GOLGA6L10: variants seen among roughly 807,000 people sequenced by gnomAD.
The protein encoded by GOLGA6L10 is golgin subfamily A member 6-like protein 10.
In GOLGA6L10, 4 loss-of-function variants were observed where a neutral mutation model predicts 56.9. The observed-to-expected ratio is 0.07, with a 90% CI of 0.03 to 0.16. The LOEUF (loss-of-function observed/expected upper bound fraction) is 0.16. Among genes scored for constraint, GOLGA6L10 ranks in the 10% least tolerant of loss-of-function variants. The pLI is 1.00. For missense variants in GOLGA6L10, 34 were observed against 558.3 expected (o/e 0.06, Z 9.46); for synonymous variants, 11 against 220.9 (o/e 0.05, Z 8.43).
chr15:82,342,641 A>G lies in GOLGA6L10; in HGVS notation c.*135T>C, dbSNP rs1464281894. ...ATTTAAATTATAAATTAGAAACACA[A>G]ATAAATTTAAACTATAAATTAGAAA... On this transcript the variant is annotated 3_prime_UTR_variant, in exon 9 of 9. Transcript: ENST00000610657. 3 of 621,420 alleles carry G rather than the reference A, an allele frequency of 4.8e-6. No individual in the cohort carries two copies. Among genetic ancestry groups the G allele is most frequent in the Non-Finnish European group, 6.6e-6 (3 of 456,170 alleles). The allele number at this position is 621,420 out of a possible 1,614,324, so 38.5% of individuals were successfully genotyped here. A position where few individuals can be genotyped will look rare whatever the true frequency, so the allele number is the denominator to read the frequency against.
Position 82,340,985 on chromosome 15 carries a change from A to G in GOLGA6L10, c.*1791T>C, listed in dbSNP as rs2075639498. On this transcript the variant is annotated 3_prime_UTR_variant, in exon 9 of 9. Transcript: ENST00000610657. ...TACCTTTGAAATAATTTATCAATGT[A>G]TTAGATAAGCTCAGTTTCAGAATGA... 2 of 152,324 alleles carry G rather than the reference A, an allele frequency of 1.3e-5. No individual in the cohort carries two copies. The highest frequency in any genetic ancestry group is 4.1e-4 in the South Asian group (2 of 4,822). The allele number at this position is 152,324 out of a possible 1,614,324, so 9.4% of individuals were successfully genotyped here.
intron 4 of GOLGA6L10, 96 bp from the exon 5 acceptor site, chr15:82,345,992 T>C (rs2075684252): frequency 1.4e-6 from 1 of 700,482 alleles, no homozygotes; most frequent in Admixed American, 2.4e-5. Context: ...TTCTGCCAGT[T>C]TGTGATTTAG....
At chr15:82,347,847 T>G in intron 1 of GOLGA6L10, among the ~76,000 whole-genome samples, 1 of 151,730 alleles carries the variant, frequency 6.6e-6, no homozygotes, top group Non-Finnish European at 1.5e-5. Context: ...GAACTTAAAC[T>G]CAGTCCTCTG....
chr15:82,344,092 C>G (rs1272430467), intron 7 of GOLGA6L10, among the ~76,000 whole-genome samples, 169 bp downstream of exon 7: 1 of 150,062 alleles, frequency 6.7e-6, no homozygotes, highest in South Asian at 2.1e-4. Flanking sequence ...CTCTAAAAGT[C>G]AGAGGGCAGG....
chr15:82,348,752 GACC>G (rs1173748610), intron 1 of GOLGA6L10, among the ~76,000 whole-genome samples: 2 of 118,092 alleles, frequency 1.7e-5, no homozygotes, highest in Admixed American at 8.2e-5. Context: ...CAGGGGAGGG[GACC>G]ACATCAGCGC....
rs2075700171 is a variant in GOLGA6L10 at position 82,348,292 on chromosome 15, A to G, written c.85-663T>C. 4.0e-5 allele frequency among the ~76,000 whole-genome samples: 6 copies of G among 148,970 alleles called. No individual in the cohort carries two copies. The South Asian group carries it at 1.3e-3, about 32-fold the overall frequency. On this transcript the variant is annotated intron_variant, in intron 1 of 8. Transcript: ENST00000610657. ...GATATGAGGAAGATTCAAGCTGTCA[A>G]GTTCAGTTTCCCAAGATCTATTCCA...
rs1162168703 is a variant in GOLGA6L10, at chr15:82,344,607, C to G, written c.1253G>C (p.Arg418Pro). The change falls in exon 6 of 9, where the codon CGC (arginine) becomes CCC (proline). Residue 418 changes from arginine (R) to proline (P), a missense_variant. Arg to Pro is a moderately radical substitution (Grantham distance 103). Coordinates refer to ENST00000610657, the MANE Select transcript of GOLGA6L10 (RefSeq NM_001164465.3). The part of the protein sequence containing the change: ...EALYEQRAEP[R>P]SGFEELNNEN... ...ACGTACCAGCTCCTCGAAGCCGCTG[C>G]GTGGCTCGGCCCGCTGCTCGTACAG... 1 of 1,540,634 alleles carries G rather than the reference C, an allele frequency of 6.5e-7. No individual in the cohort carries two copies. The highest frequency in any genetic ancestry group is 1.8e-5 in the Admixed American group (1 of 56,098).
At chr15:82,347,091 A>C (rs2075691378) in intron 2 of GOLGA6L10, among the ~76,000 whole-genome samples, 1 of 150,468 alleles carries the variant, frequency 6.6e-6, no homozygotes, top group Admixed American at 6.6e-5. Context: ...AGTGACTCCT[A>C]AAGGGACAGC....
In GOLGA6L10 at chr15:82,342,652, A is replaced by G. The variant is rs1184608312; in HGVS notation, c.*124T>C. 4 of 1,477,728 alleles carry G rather than the reference A, an allele frequency of 2.7e-6. No individual in the cohort carries two copies. The highest frequency in any genetic ancestry group is 3.6e-6 in the Non-Finnish European group (4 of 1,114,504). The allele number at this position is 1,477,728 out of a possible 1,614,324, so 91.5% of individuals were successfully genotyped here. On this transcript the variant is annotated 3_prime_UTR_variant, in exon 9 of 9. Transcript: ENST00000610657. ...AAATTAGAAACACAAATAAATTTAA[A>G]CTATAAATTAGAAACACAAATAAAC... is the stretch of plus-strand genomic sequence containing the variant.
In GOLGA6L10 at chr15:82,345,216, A is replaced by C. The variant is rs4076899; in HGVS notation, c.644T>G (p.Leu215Arg). The C allele has an allele frequency of 0.11, 107,169 of 1,001,686 alleles. 245 individuals carry two copies. Among genetic ancestry groups the C allele is most frequent in the South Asian group, 0.21 (11,223 of 54,186 alleles). 62.0% of individuals were successfully genotyped at this position (1,001,686 alleles called of 1,614,324 possible). The change falls in exon 6 of 9, where the codon CTA becomes CGA. Residue 215 changes from leucine to arginine, a missense_variant. Coordinates refer to ENST00000610657, the MANE Select transcript of GOLGA6L10 (RefSeq NM_001164465.3). ...EERLHEQEERLHEQEERLCEQ... is the reference protein window; with the variant it reads ...EERLHEQEERRHEQEERLCEQ... ...ACACAGCCTCTCCTCCTGTTCATGT[A>C]GCCTCTCCTCCTGTTCATGTAGCCT... is the stretch of plus-strand genomic sequence containing the variant.
At position 82,340,239 on chromosome 15, in the gene GOLGA6L10, C is replaced by T. The variant is rs1489686396; in HGVS notation, c.*2537G>A. On this transcript the variant is annotated 3_prime_UTR_variant, in exon 9 of 9. Coordinates refer to ENST00000610657, the MANE Select transcript of GOLGA6L10 (RefSeq NM_001164465.3). ...ATTCTTTGTTTTAAGCTACAGTATT[C>T]GTATTTTAAAATGTTTTAAATTATT... The T allele has an allele frequency of 1.3e-4, 20 of 151,386 alleles. No homozygotes were observed. Among genetic ancestry groups the T allele is most frequent in the Non-Finnish European group, 2.7e-4 (18 of 67,748 alleles). The allele number at this position is 151,386 out of a possible 1,614,324, so 9.4% of individuals were successfully genotyped here. A position where few individuals can be genotyped will look rare whatever the true frequency, so the allele number is the denominator to read the frequency against.
At chr15:82,346,391 C>G (rs1415808920) in intron 4 of GOLGA6L10, among the ~76,000 whole-genome samples, 170 bp downstream of exon 4, 801 of 75,586 alleles carry the variant, frequency 0.011, no homozygotes, top group African/African-American at 0.032. Context: ...GTGCAGAAGA[C>G]CCATGCTGCA....
In GOLGA6L10 at chr15:82,345,143, C is replaced by T. The variant is rs1415570605; in HGVS notation, c.717G>A (p.Gln239=). 1.6e-6 allele frequency: 1 copy of T among 626,152 alleles called. No individual in the cohort carries two copies. The highest frequency in any genetic ancestry group is 2.8e-6 in the Non-Finnish European group (1 of 357,838). 38.8% of individuals were successfully genotyped at this position (626,152 alleles called of 1,614,324 possible). A position where few individuals can be genotyped will look rare whatever the true frequency, so the allele number is the denominator to read the frequency against. Residue 239 remains glutamine (Q), a synonymous_variant, in exon 6 of 9, where the codon CAG becomes CAA. Coordinates refer to ENST00000610657, the MANE Select transcript of GOLGA6L10 (RefSeq NM_001164465.3). ...CCTCCTGTTCACGTAGCCTCTCCTC[C>T]TGTTCACACAGCCTCTCCTCCTGTT... ...LREQEERLCE[Q]EERLREQEER...
At position 82,345,108 on chromosome 15, in the gene GOLGA6L10, CA is replaced by C. The variant is rs2075674117; in HGVS notation, c.751del (p.Cys251ValfsTer90). Reference protein sequence around the residue: ...ERLREQEERLCEQEERLREQE... With the variant: ...ERLREQEERLXEQEERLREQE... Reference sequence around the variant, plus strand: ...TTCACGTAGCCTCTCCTCCTGTTCACACAGCCTCTCCTCCTGTTCACGTAGC... The same window carrying C: ...TTCACGTAGCCTCTCCTCCTGTTCACCAGCCTCTCCTCCTGTTCACGTAGC... On this transcript the variant is annotated frameshift_variant, in exon 6 of 9. Transcript: ENST00000610657. LOFTEE classifies it high-confidence loss of function. The C allele has an allele frequency of 1.1e-5, 5 of 468,734 alleles. No homozygotes were observed. In the African/African-American group the frequency reaches 1.2e-4, roughly 12 times the overall value. The allele number at this position is 468,734 out of a possible 1,614,324, so 29.0% of individuals were successfully genotyped here.
At chr15:82,345,481 A>T (rs1482191064) in intron 5 of GOLGA6L10, 55 bp from the exon 6 acceptor site, 1 of 1,557,626 alleles carries the variant, frequency 6.4e-7, no homozygotes, top group Non-Finnish European at 8.6e-7. Flanking sequence ...AAAAAAAAAA[A>T]TCCTCCCTTT....
At chr15:82,348,210 C>G (rs1433973029) in intron 1 of GOLGA6L10, among the ~76,000 whole-genome samples, 1 of 152,120 alleles carries the variant, frequency 6.6e-6, no homozygotes, top group Non-Finnish European at 1.5e-5. Flanking sequence ...GAAAATGATG[C>G]TTCAGAAAGA....
At chr15:82,348,008 C>T (rs1413273630) in intron 1 of GOLGA6L10, among the ~76,000 whole-genome samples, 200 of 151,298 alleles carry the variant, frequency 1.3e-3, no homozygotes, top group Admixed American at 9.8e-3. Flanking sequence ...CGTGAAGAAG[C>T]GTACCAGTAC....
At chr15:82,343,918 C>T (rs1045554101) in intron 7 of GOLGA6L10, among the ~76,000 whole-genome samples, 3 of 146,168 alleles carry the variant, frequency 2.1e-5, no homozygotes, top group East Asian at 4.1e-4. Flanking sequence ...AAGTGATTGT[C>T]CTGCCTCAGC....
Position 82,342,628 on chromosome 15 carries a change from A to T in GOLGA6L10, c.*148T>A. On this transcript the variant is annotated 3_prime_UTR_variant, in exon 9 of 9. Coordinates refer to ENST00000610657, the MANE Select transcript of GOLGA6L10 (RefSeq NM_001164465.3). ...GAAACACAAATAAATTTAAATTATAAATTAGAAACACAAATAAATTTAAAC... is the reference window on the plus strand; with the variant it reads ...GAAACACAAATAAATTTAAATTATATATTAGAAACACAAATAAATTTAAAC... 7.1e-7 allele frequency: 1 copy of T among 1,409,132 alleles called. No homozygotes were observed. The highest frequency in any genetic ancestry group is 9.4e-7 in the Non-Finnish European group (1 of 1,068,178). The allele number at this position is 1,409,132 out of a possible 1,614,324, so 87.3% of individuals were successfully genotyped here.
Sources: allele counts gnomAD v4.1 joint callset (sites outside exome capture counted in the v4.1 genomes callset), GRCh38; gene constraint gnomAD v4.1.1; transcripts MANE v1.5; gene names NCBI Gene and HGNC (gene_info 2026-07-23, HGNC 2026-07-21).